Variants in INPP5J observed in about 807,000 individuals in gnomAD.
INPP5J encodes inositol polyphosphate-5-phosphatase J, also known as phosphatidylinositol 4,5-bisphosphate 5-phosphatase A.
INPP5J carries 75 observed loss-of-function variants against 86.6 expected under a neutral mutation model. The observed-to-expected ratio is 0.87, with a 90% CI of 0.72 to 1.05. The LOEUF is 1.05. INPP5J is among the 50% of genes least tolerant of loss of function. The pLI is 0.00. For synonymous variants in INPP5J, 540 were observed against 550.0 expected (o/e 0.98, Z 0.25); for missense variants, 1,229 against 1,341.2 (o/e 0.92, Z 1.31).
intron 2 of INPP5J, 83 bp from the exon 3 acceptor site, chr22:31,126,293 G>C: frequency 1.7e-6 from 2 of 1,198,380 alleles, no homozygotes; most frequent in Admixed American, 1.9e-5. Context: ...CCTCCATTTA[G>C]TTCCCCAGGG....
Position 31,128,199 on chromosome 22 carries a change from C to A in INPP5J, c.1900-15C>A. 6.4e-7 allele frequency: 1 copy of A among 1,573,300 alleles called. No homozygotes were observed. Among genetic ancestry groups the A allele is most frequent in the Non-Finnish European group, 8.6e-7 (1 of 1,156,510 alleles). Reference sequence around the variant, plus strand: ...CCAAGCTGTTGTCCAATCTGCTCTCCTGGACCCCCCACAGCTCAACATGGC... The same window carrying A: ...CCAAGCTGTTGTCCAATCTGCTCTCATGGACCCCCCACAGCTCAACATGGC... On this transcript the variant is annotated splice_polypyrimidine_tract_variant and intron_variant, in intron 7 of 12. Coordinates refer to ENST00000331075, the MANE Select transcript of INPP5J (RefSeq NM_001284285.2).
In INPP5J at chr22:31,128,495, G is replaced by A. The variant is rs750503157; in HGVS notation, c.2034G>A (p.Trp678Ter). The A allele has an allele frequency of 6.2e-7, 1 of 1,613,564 alleles. No individual in the cohort carries two copies. Among genetic ancestry groups the A allele is most frequent in the South Asian group, 1.1e-5 (1 of 91,080 alleles). Reference protein sequence around the residue: ...DTSAKKRKPAWTDRILWKVKA... With the variant: ...DTSAKKRKPA ...GTGCCAAGAAACGGAAGCCAGCTTG[G>A]ACAGACCGTATCCTATGGAAGGTCA... The change falls in exon 9 of 13, where the codon TGG (tryptophan) becomes TGA (stop). Residue 678 changes from tryptophan (W) to a stop codon, truncating the protein, a stop_gained. Coordinates refer to ENST00000331075, the MANE Select transcript of INPP5J (RefSeq NM_001284285.2). LOFTEE classifies it high-confidence loss of function.
Position 31,134,423 on chromosome 22 carries a change from TG to T in INPP5J, c.*8del. 2 of 1,450,260 alleles carry T rather than the reference TG, an allele frequency of 1.4e-6. No homozygotes were observed. Among genetic ancestry groups the T allele is most frequent in the Non-Finnish European group, 9.1e-7 (1 of 1,101,152 alleles). 89.8% of individuals were successfully genotyped at this position (1,450,260 alleles called of 1,614,324 possible). On this transcript the variant is annotated 3_prime_UTR_variant, in exon 13 of 13. Coordinates refer to ENST00000331075, the MANE Select transcript of INPP5J (RefSeq NM_001284285.2). The stretch of plus-strand genomic sequence containing the variant: ...GGAAGGGGGCCTGGGGCCCTGAGGG[TG>T]GGGTAGGCAGATGGGCCAAGGTGAC...
chr22:31,126,802 C>T (rs1921507291), intron 4 of INPP5J, 81 bp downstream of exon 4: 3 of 1,446,692 alleles, frequency 2.1e-6, no homozygotes, highest in Admixed American at 1.7e-5. Flanking sequence ...CACTGTGGGG[C>T]CCGCTGGGCC....
chr22:31,124,775 G>T, intron 1 of INPP5J, 70 bp from the exon 2 acceptor site: 1 of 1,343,440 alleles, frequency 7.4e-7, no homozygotes, highest in Non-Finnish European at 1.0e-6. Flanking sequence ...CTCTGCCAGG[G>T]TCTATATGGA....
Position 31,126,740 on chromosome 22 carries a change from C to T in INPP5J, c.1494+19C>T, listed in dbSNP as rs764843449. 1.1e-5 allele frequency: 18 copies of T among 1,592,020 alleles called. No homozygotes were observed. The South Asian group carries it at 1.4e-4, about 13-fold the overall frequency. ...CGTGCTGGTAACGCACCCCTCACCC[C>T]CTGGACAGCCAGAGACCCTGCTGAA... On this transcript the variant is annotated intron_variant, in intron 4 of 12. Coordinates refer to ENST00000331075, the MANE Select transcript of INPP5J (RefSeq NM_001284285.2).
Position 31,128,081 on chromosome 22 carries a change from G to T in INPP5J, c.1899+19G>T, listed in dbSNP as rs750012334. On this transcript the variant is annotated intron_variant, in intron 7 of 12. Transcript: ENST00000331075. ...GGACCAGGTGGGGTCCTTGTCCCCAGAAGCACACAGAGCATGTCCCAGGAC... is the reference window on the plus strand; with the variant it reads ...GGACCAGGTGGGGTCCTTGTCCCCATAAGCACACAGAGCATGTCCCAGGAC... 6.4e-7 allele frequency: 1 copy of T among 1,558,492 alleles called. No homozygotes were observed. The highest frequency in any genetic ancestry group is 2.2e-5 in the East Asian group (1 of 44,556).
In INPP5J at chr22:31,125,601, C is replaced by T. The variant is rs202114356; in HGVS notation, c.862C>T (p.Leu288Phe). The change falls in exon 2 of 13, where the codon CTC becomes TTC. Residue 288 changes from leucine to phenylalanine, a missense_variant. Coordinates refer to ENST00000331075, the MANE Select transcript of INPP5J (RefSeq NM_001284285.2). ...CTCCTTCCGAGCCCGGCCTGAGGCC[C>T]TCCACAGCAGCCCTGAGGATCCTGT... is the stretch of plus-strand genomic sequence containing the variant. The part of the protein sequence containing the change: ...SPSFRARPEA[L>F]HSSPEDPVLP... The T allele has an allele frequency of 1.5e-5, 24 of 1,550,556 alleles. No homozygotes were observed. Among genetic ancestry groups the T allele is most frequent in the Non-Finnish European group, 2.1e-5 (24 of 1,146,982 alleles).
At position 31,134,062 on chromosome 22, in the gene INPP5J, C is replaced by G; in HGVS notation, c.2664C>G (p.Ser888Arg). Residue 888 changes from serine (S) to arginine (R), a missense_variant, in exon 13 of 13, where the codon AGC becomes AGG. Coordinates refer to ENST00000331075, the MANE Select transcript of INPP5J (RefSeq NM_001284285.2). Reference sequence around the variant, plus strand: ...AGTCCAAGCGACACCGCAGCCGCAGCCCGGGACTGGCCAGGTTCCCTGGGC... The same window carrying G: ...AGTCCAAGCGACACCGCAGCCGCAGGCCGGGACTGGCCAGGTTCCCTGGGC... ...PGKSKRHRSRSPGLARFPGLA... is the reference protein window; with the variant it reads ...PGKSKRHRSRRPGLARFPGLA... 6.3e-7 allele frequency: 1 copy of G among 1,579,258 alleles called. No individual in the cohort carries two copies. The highest frequency in any genetic ancestry group is 8.6e-7 in the Non-Finnish European group (1 of 1,163,994).
At chr22:31,124,531 G>A (rs1188306250) in intron 1 of INPP5J, among the ~76,000 whole-genome samples, 1 of 152,218 alleles carries the variant, frequency 6.6e-6, no homozygotes, top group African/African-American at 2.4e-5. Flanking sequence ...TGGGCAGGGT[G>A]TGGGTGCCAG....
At chr22:31,124,337 G>A in intron 1 of INPP5J, 1 of 985,630 alleles carries the variant, frequency 1.0e-6, no homozygotes, top group Non-Finnish European at 1.2e-6. Flanking sequence ...GGGTTTCTGG[G>A]CATTATGAAG....
chr22:31,132,971 A>C, intron 9 of INPP5J, 127 bp from the exon 10 acceptor site: 1 of 1,258,288 alleles, frequency 7.9e-7, no homozygotes, highest in African/African-American at 1.5e-5. Context: ...GTTCTGCCTC[A>C]GTTTCCCAGT....
chr22:31,127,613 G>T, intron 6 of INPP5J, 81 bp downstream of exon 6: 2 of 1,405,080 alleles, frequency 1.4e-6, no homozygotes, highest in Non-Finnish European at 1.9e-6. Context: ...TGGGGCTTAT[G>T]GAGAGAGGCA....
rs371320449 is a variant in INPP5J at position 31,133,199 on chromosome 22, C to T, written c.2295C>T (p.Phe765=). ...AVVRYRMETV[F]ARSSWDWIGL... Reference sequence around the variant, plus strand: ...TGAGGTACCGCATGGAAACAGTGTTCGCCCGCAGCTCCTGGGACTGGATCG... The same window carrying T: ...TGAGGTACCGCATGGAAACAGTGTTTGCCCGCAGCTCCTGGGACTGGATCG... The change falls in exon 10 of 13, where the codon TTC becomes TTT. Residue 765 remains phenylalanine, a synonymous_variant. Coordinates refer to ENST00000331075, the MANE Select transcript of INPP5J (RefSeq NM_001284285.2). The T allele has an allele frequency of 3.5e-5, 56 of 1,601,530 alleles. No homozygotes were observed. The African/African-American group carries it at 4.5e-4, about 13-fold the overall frequency.
intron 6 of INPP5J, 30 bp from the exon 7 acceptor site, chr22:31,127,921 C>A (rs776531507): frequency 5.3e-6 from 7 of 1,310,416 alleles, no homozygotes; most frequent in Non-Finnish European, 7.7e-6. Context: ...CACTGCCCCC[C>A]ACATCTCTCC....
At chr22:31,126,835 G>A (rs1268278487) in intron 4 of INPP5J, 86 bp from the exon 5 acceptor site, 1 of 1,409,660 alleles carries the variant, frequency 7.1e-7, no homozygotes, top group Non-Finnish European at 1.0e-6. Flanking sequence ...TCCGTGACAT[G>A]GGTGGGTGGA....
Position 31,123,095 on chromosome 22 carries a change from T to C in INPP5J, c.81T>C (p.Val27=). 1 of 1,482,934 alleles carries C rather than the reference T, an allele frequency of 6.7e-7. No individual in the cohort carries two copies. Among genetic ancestry groups the C allele is most frequent in the Non-Finnish European group, 8.9e-7 (1 of 1,120,804 alleles). The allele number at this position is 1,482,934 out of a possible 1,614,324, so 91.9% of individuals were successfully genotyped here. A position where few individuals can be genotyped will look rare whatever the true frequency, so the allele number is the denominator to read the frequency against. The change falls in exon 1 of 13, where the codon GTT becomes GTC. Residue 27 remains valine, a synonymous_variant. Coordinates refer to ENST00000331075, the MANE Select transcript of INPP5J (RefSeq NM_001284285.2). ...GTTCCCTGCCCATGCCCCAGGGTGTTGCCCAAACTGGGGCACCCTCCAAGG... is the reference window on the plus strand; with the variant it reads ...GTTCCCTGCCCATGCCCCAGGGTGTCGCCCAAACTGGGGCACCCTCCAAGG... ...GLGSLPMPQG[V]AQTGAPSKVD...
Position 31,134,150 on chromosome 22 carries a change from C to T in INPP5J, c.2752C>T (p.Arg918Cys), listed in dbSNP as rs988380601. The T allele has an allele frequency of 6.5e-6, 10 of 1,549,298 alleles. No homozygotes were observed. The highest frequency in any genetic ancestry group is 4.8e-5 in the South Asian group (4 of 83,972). ...GASRSPSPQS[R>C]RLSRVAPDRS... ...CAGCCGTAGCCCCTCACCCCAGAGC[C>T]GCCGCCTGTCCCGAGTGGCTCCTGA... Residue 918 changes from arginine to cysteine, a missense_variant, in exon 13 of 13, where the codon CGC (arginine) becomes TGC (cysteine). Physicochemically the swap from Arg to Cys is radical, Grantham distance 180. Transcript: ENST00000331075.
chr22:31,128,451 G>A lies in INPP5J; in HGVS notation c.2010-20G>A, dbSNP rs1921723896. 1 of 1,612,398 alleles carries A rather than the reference G, an allele frequency of 6.2e-7. No homozygotes were observed. The highest frequency in any genetic ancestry group is 1.3e-5 in the African/African-American group (1 of 74,854). On this transcript the variant is annotated intron_variant, in intron 8 of 12. Transcript: ENST00000331075. ...TTGATCCCCAGCCCCTGAAACTTGG[G>A]GTACCCCTGCTCACTGCAGTGCCAA... is the stretch of plus-strand genomic sequence containing the variant.
Sources: allele counts gnomAD v4.1 joint callset (sites outside exome capture counted in the v4.1 genomes callset), GRCh38; gene constraint gnomAD v4.1.1; transcripts MANE v1.5; gene names NCBI Gene and HGNC (gene_info 2026-07-23, HGNC 2026-07-21).